RBM47: variants seen among roughly 807,000 people sequenced by gnomAD.
RBM47 encodes the protein RNA binding motif protein 47, also known as RNA-binding protein 47.
Under a neutral mutation model 47.1 loss-of-function variants are expected in RBM47, and 21 were observed. The observed-to-expected ratio is 0.45, with a 90% CI of 0.32 to 0.64. RBM47 has a LOEUF of 0.64. RBM47 is among the 30% of genes least tolerant of loss of function. The pLI, the probability that RBM47 is intolerant of heterozygous loss-of-function variation, is 0.05. For synonymous variants in RBM47, 375 were observed against 361.7 expected, an observed-to-expected ratio of 1.04 and a Z score of -0.42; for missense variants, 708 against 870.9, an observed-to-expected ratio of 0.81 and a Z score of 2.35.
In RBM47 at chr4:40,552,565, C is replaced by T. The variant is rs551921823; in HGVS notation, c.-239-8059G>A. On this transcript the variant is annotated intron_variant, in intron 1 of 6. Coordinates refer to ENST00000295971, the MANE Select transcript of RBM47 (RefSeq NM_001098634.2). ...TAGACTCATTTCTGTATATGGCTGC[C>T]GAATCCACATTCTGATAGATCAATC... Among the ~76,000 whole-genome samples the T allele has an allele frequency of 4.6e-5, 7 of 152,216 alleles. No homozygotes were observed. In the East Asian group the frequency reaches 1.4e-3, roughly 29 times the overall value.
intron 1 of RBM47, among the ~76,000 whole-genome samples, chr4:40,559,996 G>C (rs1425106014): frequency 1.3e-5 from 2 of 152,132 alleles, no homozygotes; most frequent in African/African-American, 4.8e-5. Context: ...GTAGGTCTGA[G>C]AATCACTCAC....
At chr4:40,552,788 G>A (rs757420289) in intron 1 of RBM47, among the ~76,000 whole-genome samples, 10 of 152,096 alleles carry the variant, frequency 6.6e-5, no homozygotes, top group Non-Finnish European at 1.2e-4. Context: ...CCTTCTGGCC[G>A]TTTCTTAAAC....
intron 1 of RBM47, among the ~76,000 whole-genome samples, chr4:40,549,964 G>A (rs540702393): frequency 8.6e-5 from 13 of 152,020 alleles, no homozygotes; most frequent in African/African-American, 1.7e-4. Flanking sequence ...GCCACCGTGC[G>A]CAGTAATAAA....
chr4:40,552,166 A>T (rs1729625177), intron 1 of RBM47, among the ~76,000 whole-genome samples: 1 of 151,936 alleles, frequency 6.6e-6, no homozygotes. Context: ...TGGGAGGCTG[A>T]GGCAGGTGGA....
At chr4:40,444,661 T>G (rs1366216034) in intron 3 of RBM47, among the ~76,000 whole-genome samples, 2 of 150,858 alleles carry the variant, frequency 1.3e-5, no homozygotes, top group Non-Finnish European at 2.9e-5. Flanking sequence ...AATTTTTAAA[T>G]TCTAACTGTT....
intron 1 of RBM47, among the ~76,000 whole-genome samples, chr4:40,576,331 T>A (rs1305795136): frequency 2.0e-5 from 3 of 151,710 alleles, no homozygotes; most frequent in Non-Finnish European, 4.4e-5. Context: ...TTAAAAAAAT[T>A]TTTTTGTAGA....
rs1424743252 is a variant in RBM47 at position 40,628,409 on chromosome 4, T to C, written c.-240+987A>G. On this transcript the variant is annotated intron_variant, in intron 1 of 6. Coordinates refer to ENST00000295971, the MANE Select transcript of RBM47 (RefSeq NM_001098634.2). The surrounding 1 kb of genome is among the most constrained non-coding windows in gnomAD (Gnocchi z 4.0). ...TCTAGGTTGAGTACTTTGGTTTATCTAGAGGTTGTGTGTTACGCCGCTGAC... is the reference window on the plus strand; with the variant it reads ...TCTAGGTTGAGTACTTTGGTTTATCCAGAGGTTGTGTGTTACGCCGCTGAC... 6.6e-6 allele frequency among the ~76,000 whole-genome samples: 1 copy of C among 152,184 alleles called. No individual in the cohort carries two copies. The highest frequency in any genetic ancestry group is 2.4e-5 in the African/African-American group (1 of 41,440).
chr4:40,610,421 G>A (rs994335191), intron 1 of RBM47, among the ~76,000 whole-genome samples: 1 of 151,668 alleles, frequency 6.6e-6, no homozygotes, highest in East Asian at 1.9e-4. Flanking sequence ...AGGAGATGGA[G>A]ACCACGGTGA....
intron 2 of RBM47, among the ~76,000 whole-genome samples, chr4:40,495,099 G>A (rs1226725703): frequency 6.6e-6 from 1 of 152,052 alleles, no homozygotes; most frequent in African/African-American, 2.4e-5. Flanking sequence ...GCCCCACCAT[G>A]CCCAGCCCTT....
rs368115624 is a variant in RBM47 at position 40,455,255 on chromosome 4, C to T, written c.-32+11322G>A. On this transcript the variant is annotated intron_variant, in intron 3 of 6. Coordinates refer to ENST00000295971, the MANE Select transcript of RBM47 (RefSeq NM_001098634.2). Reference sequence around the variant, plus strand: ...GGAAATGTTGAAGGACTAGAATTCACGTAATCGCAATGTTCAAGTGAGAAC... The same window carrying T: ...GGAAATGTTGAAGGACTAGAATTCATGTAATCGCAATGTTCAAGTGAGAAC... 1.4e-4 allele frequency among the ~76,000 whole-genome samples: 21 copies of T among 152,292 alleles called. No individual in the cohort carries two copies. In the East Asian group the frequency reaches 3.7e-3, roughly 27 times the overall value.
At chr4:40,613,432 G>T (rs193027415) in intron 1 of RBM47, among the ~76,000 whole-genome samples, 1 of 152,232 alleles carries the variant, frequency 6.6e-6, no homozygotes, top group East Asian at 1.9e-4. Context: ...ATCTGAGAAG[G>T]AAACAGTGAA....
At chr4:40,589,380 C>A (rs185295642) in intron 1 of RBM47, among the ~76,000 whole-genome samples, 9 of 152,256 alleles carry the variant, frequency 5.9e-5, no homozygotes, top group Non-Finnish European at 1.3e-4. Context: ...ATACTAGCAT[C>A]CATTGAACTG....
In RBM47 at chr4:40,438,620, C is replaced by T. The variant is rs767176872; in HGVS notation, c.274G>A (p.Glu92Lys). The change falls in exon 4 of 7, where the codon GAG becomes AAG. Residue 92 changes from glutamate (E) to lysine (K), a missense_variant. By Grantham distance (56) the Glu-to-Lys change is moderately conservative. Transcript: ENST00000295971. ...AGCTCGTAGATGCGGCCCACGGCCT[C>T]GAACACGGGCACCAGCTCGTCCTCG... is the stretch of plus-strand genomic sequence containing the variant. ...VYEDELVPVF[E>K]AVGRIYELRL... 3.7e-6 allele frequency: 6 copies of T among 1,613,580 alleles called. No individual in the cohort carries two copies. Among genetic ancestry groups the T allele is most frequent in the Admixed American group, 3.3e-5 (2 of 60,032 alleles).
At chr4:40,442,739 G>A (rs892881402) in intron 3 of RBM47, among the ~76,000 whole-genome samples, 1 of 151,982 alleles carries the variant, frequency 6.6e-6, no homozygotes, top group Admixed American at 6.6e-5. Context: ...GTGCAGTGGT[G>A]CAGTCTCTGC....
chr4:40,576,084 T>C (rs1577994144), intron 1 of RBM47, among the ~76,000 whole-genome samples: 1 of 152,216 alleles, frequency 6.6e-6, no homozygotes, highest in Admixed American at 6.5e-5. Context: ...CAGGCTCACA[T>C]AGCTTGCTAA....
chr4:40,597,669 A>G (rs1260965579), intron 1 of RBM47, among the ~76,000 whole-genome samples: 2 of 152,282 alleles, frequency 1.3e-5, no homozygotes, highest in Non-Finnish European at 2.9e-5. Flanking sequence ...ATAATTTGAT[A>G]AACTGGAAAT....
chr4:40,500,491 G>A (rs186785534), intron 2 of RBM47, among the ~76,000 whole-genome samples: 18 of 149,710 alleles, frequency 1.2e-4, no homozygotes, highest in Middle Eastern at 3.7e-3. Context: ...TGTGCCTATA[G>A]TCCCAGCTAT....
rs572821496 is a variant in RBM47 at position 40,512,481 on chromosome 4, C to G, written c.-155+31941G>C. ...CTGTAATCCCAGCACTTTGGGAGGC[C>G]GAGGCGAGTGGATCACTTGAGGTCA... On this transcript the variant is annotated intron_variant, in intron 2 of 6. Coordinates refer to ENST00000295971, the MANE Select transcript of RBM47 (RefSeq NM_001098634.2). Among the ~76,000 whole-genome samples, 39 of 148,146 alleles carry G rather than the reference C, an allele frequency of 2.6e-4. No homozygotes were observed. The South Asian group carries it at 6.8e-3, about 26-fold the overall frequency.
intron 1 of RBM47, among the ~76,000 whole-genome samples, chr4:40,597,974 T>C (rs1304428243): frequency 6.6e-6 from 1 of 152,240 alleles, no homozygotes. Flanking sequence ...TTGGTCAATT[T>C]AGCATACCAA....
Sources: allele counts gnomAD v4.1 joint callset (sites outside exome capture counted in the v4.1 genomes callset), GRCh38; gene constraint gnomAD v4.1.1; non-coding constraint Gnocchi (gnomAD v3.1); transcripts MANE v1.5; gene names NCBI Gene and HGNC (gene_info 2026-07-23, HGNC 2026-07-21).